NRG3: variants seen among roughly 807,000 people sequenced by gnomAD.
NRG3 encodes the protein pro-neuregulin-3, membrane-bound isoform.
In NRG3, 31 loss-of-function variants were observed where a neutral mutation model predicts 66.9. The ratio of observed to expected loss-of-function variants is 0.46; its 90% confidence interval spans 0.35 to 0.63. NRG3 has a LOEUF of 0.63. Among genes scored for constraint, NRG3 ranks in the 20% least tolerant of loss-of-function variants. The pLI is 0.00. For synonymous variants in NRG3, 393 were observed against 359.4 expected (o/e 1.09, Z -1.06); for missense variants, 910 against 878.9 (o/e 1.04, Z -0.45).
intron 3 of NRG3, among the ~76,000 whole-genome samples, chr10:82,755,024 C>A (rs955769453): frequency 6.6e-6 from 1 of 152,054 alleles, no homozygotes; most frequent in African/African-American, 2.4e-5. Flanking sequence ...TGAAAAGAAA[C>A]AAATGACATC....
intron 3 of NRG3, among the ~76,000 whole-genome samples, chr10:82,848,492 A>G (rs2063413090): frequency 6.6e-6 from 1 of 152,208 alleles, no homozygotes; most frequent in African/African-American, 2.4e-5. Context: ...TTGATTTTAC[A>G]GGCTCATAGG....
intron 1 of NRG3, among the ~76,000 whole-genome samples, chr10:82,323,851 T>G (rs2081717690): frequency 6.6e-6 from 1 of 152,154 alleles, no homozygotes; most frequent in Non-Finnish European, 1.5e-5. Flanking sequence ...GGTTTGATGT[T>G]TTAAGTATTA....
chr10:82,635,654 G>A (rs1163022480), intron 2 of NRG3, among the ~76,000 whole-genome samples: 1 of 152,014 alleles, frequency 6.6e-6, no homozygotes, highest in Non-Finnish European at 1.5e-5. Context: ...ACATTTTTTG[G>A]TTTGAAACAA....
chr10:82,007,503 C>T (rs114111523), intron 1 of NRG3, among the ~76,000 whole-genome samples: 1,534 of 152,058 alleles, frequency 0.01, 24 homozygotes, highest in African/African-American at 0.034. Context: ...CATCAGTGCC[C>T]GGCCTAAAAT....
At chr10:81,902,352 C>T (rs1844160234) in intron 1 of NRG3, among the ~76,000 whole-genome samples, 2 of 152,132 alleles carry the variant, frequency 1.3e-5, no homozygotes, top group African/African-American at 2.4e-5. Flanking sequence ...TCCCTCATCC[C>T]CTAAATTTCT....
intron 1 of NRG3, chr10:82,225,530 A>G (rs2076127823): frequency 6.6e-6 from 1 of 152,214 alleles, no homozygotes; most frequent in African/African-American, 2.4e-5. Flanking sequence ...GTTACCCTAC[A>G]ACAGTATGAA....
chr10:82,784,224 C>T (rs569576951), intron 3 of NRG3, among the ~76,000 whole-genome samples: 1 of 152,040 alleles, frequency 6.6e-6, no homozygotes, highest in East Asian at 1.9e-4. Context: ...GGATTAAAGA[C>T]TTAAACGTTA....
chr10:82,431,665 G>A lies in NRG3; in HGVS notation c.953+72797G>A, dbSNP rs577415296. Among the ~76,000 whole-genome samples, 17 of 152,074 alleles carry A rather than the reference G, an allele frequency of 1.1e-4. 1 individual carries two copies. The South Asian group carries it at 1.7e-3, about 15-fold the overall frequency. On this transcript the variant is annotated intron_variant, in intron 2 of 8. Transcript: ENST00000372141. ...AAATCAAGTTAGATTTATAAAAGGG[G>A]TTAATTTTTGGCCTACTCACAAATA...
chr10:82,980,022 G>A (rs1852683858), intron 8 of NRG3, among the ~76,000 whole-genome samples: 1 of 151,898 alleles, frequency 6.6e-6, no homozygotes, highest in Non-Finnish European at 1.5e-5. Context: ...TGGGCAACAT[G>A]GCAAAACCCC....
At position 82,426,236 on chromosome 10, in the gene NRG3, TAA is replaced by T. The variant is rs532519589; in HGVS notation, c.953+67371_953+67372del. On this transcript the variant is annotated intron_variant, in intron 2 of 8. Transcript: ENST00000372141. Reference sequence around the variant, plus strand: ...AGACCCCTGGTGGGACTCCTGAAGGTAAAAGTTATGAAAGTGTGTGAGGGCTC... The same window carrying T: ...AGACCCCTGGTGGGACTCCTGAAGGTAAGTTATGAAAGTGTGTGAGGGCTC... 4.8e-3 allele frequency among the ~76,000 whole-genome samples: 730 copies of T among 152,242 alleles called. 4 individuals are homozygous for T. Among genetic ancestry groups the T allele is most frequent in the Middle Eastern group, 0.01 (3 of 294 alleles).
intron 3 of NRG3, among the ~76,000 whole-genome samples, chr10:82,848,416 A>G (rs2063408376): frequency 6.6e-6 from 1 of 152,246 alleles, no homozygotes; most frequent in Admixed American, 6.5e-5. Context: ...AATTTCTCCA[A>G]TTTGGAATGG....
intron 2 of NRG3, among the ~76,000 whole-genome samples, chr10:82,628,795 T>A (rs770296743): frequency 3.3e-5 from 5 of 152,188 alleles, no homozygotes; most frequent in African/African-American, 4.8e-5. Flanking sequence ...TATTTACCAC[T>A]GTATTCAATG....
intron 1 of NRG3, among the ~76,000 whole-genome samples, chr10:82,176,557 A>G (rs1205124461): frequency 6.6e-6 from 1 of 152,082 alleles, no homozygotes; most frequent in Non-Finnish European, 1.5e-5. Flanking sequence ...AGGGGAGAGA[A>G]TGCTTGGATT....
intron 2 of NRG3, among the ~76,000 whole-genome samples, chr10:82,736,132 C>T (rs2058142516): frequency 6.6e-6 from 1 of 152,104 alleles, no homozygotes; most frequent in South Asian, 2.1e-4. Context: ...CAAACAAATA[C>T]ACACTCAACT....
chr10:82,986,286 A>G lies in NRG3; in HGVS notation c.*681A>G, dbSNP rs1383212529. ...GACAAAAAAATCCTTATATCGTGTC[A>G]CTAAAATCATGCTAATAGAAATGTT... On this transcript the variant is annotated 3_prime_UTR_variant, in exon 9 of 9. Coordinates refer to ENST00000372141, the MANE Select transcript of NRG3 (RefSeq NM_001010848.4). 2 of 152,214 alleles carry G rather than the reference A, an allele frequency of 1.3e-5. No individual in the cohort carries two copies. Among genetic ancestry groups the G allele is most frequent in the African/African-American group, 4.8e-5 (2 of 41,454 alleles). The allele number at this position is 152,214 out of a possible 1,614,324, so 9.4% of individuals were successfully genotyped here.
chr10:82,283,075 C>T (rs995620624), intron 1 of NRG3, among the ~76,000 whole-genome samples: 6 of 152,058 alleles, frequency 3.9e-5, no homozygotes, highest in East Asian at 1.9e-4. Context: ...CTCTACAACA[C>T]GAGTTCTCCT....
At chr10:82,954,383 G>T (rs1034303786) in intron 5 of NRG3, among the ~76,000 whole-genome samples, 1 of 151,866 alleles carries the variant, frequency 6.6e-6, no homozygotes, top group Admixed American at 6.5e-5. Context: ...AGGGCTCTGA[G>T]ATCAACATCT....
intron 1 of NRG3, among the ~76,000 whole-genome samples, chr10:82,023,450 G>A (rs1450487761): frequency 6.6e-6 from 1 of 152,036 alleles, no homozygotes; most frequent in South Asian, 2.1e-4. Flanking sequence ...TTATAGGAAA[G>A]GCTTGCAATT....
intron 2 of NRG3, among the ~76,000 whole-genome samples, chr10:82,470,273 C>T (rs1030503236): frequency 2.0e-5 from 3 of 152,208 alleles, no homozygotes; most frequent in African/African-American, 7.2e-5. Context: ...GTAGAAATCG[C>T]TGAGGCCTTG....
Sources: allele counts gnomAD v4.1 joint callset (sites outside exome capture counted in the v4.1 genomes callset), GRCh38; gene constraint gnomAD v4.1.1; transcripts MANE v1.5; gene names NCBI Gene and HGNC (gene_info 2026-07-23, HGNC 2026-07-21).